DHRSX: variants seen among roughly 807,000 people sequenced by gnomAD.
The protein encoded by DHRSX is dehydrogenase/reductase X-linked.
A neutral mutation model predicts 34.0 loss-of-function variants in DHRSX; 31 were observed. That is an observed-to-expected ratio of 0.91 (90% CI 0.69 to 1.23). The LOEUF is 1.23. Among genes scored for constraint, DHRSX ranks in the 50% most tolerant of loss-of-function variants. The pLI, the probability that DHRSX is intolerant of heterozygous loss-of-function variation, is 0.00. For missense variants in DHRSX, 414 were observed against 428.1 expected, an observed-to-expected ratio of 0.97 and a Z score of 0.29; for synonymous variants, 201 against 183.8, an observed-to-expected ratio of 1.09 and a Z score of -0.76.
intron 5 of DHRSX, among the ~76,000 whole-genome samples, chrX:2,251,746 C>G (rs149972297): frequency 1.3e-5 from 2 of 152,140 alleles, no homozygotes; most frequent in East Asian, 3.9e-4. Context: ...TCAAACAGAC[C>G]TGAGGTTTAC....
intron 1 of DHRSX, among the ~76,000 whole-genome samples, chrX:2,426,721 A>C (rs1388289532): frequency 1.7e-3 from 146 of 86,498 alleles, no homozygotes; most frequent in Admixed American, 2.9e-3. Flanking sequence ...TTTCCTCTTC[A>C]CTTCTTTCTC....
intron 1 of DHRSX, chrX:2,488,347 G>C: frequency 2.6e-6 from 1 of 386,348 alleles, no homozygotes; most frequent in East Asian, 4.4e-5. Context: ...GCTAATTTTT[G>C]TATTTTTAGT....
chrX:2,485,883 GAGA>G lies in DHRSX; in HGVS notation c.109+14931_109+14933del, dbSNP rs759108073. ...GAAGGGAAGGGAGGGAAGGAAGGGA[GAGA>G]AGAAGAGACAAGGATGGGAGGGAAG... On this transcript the variant is annotated intron_variant, in intron 1 of 6. Coordinates refer to ENST00000334651, the MANE Select transcript of DHRSX (RefSeq NM_145177.3). Among the ~76,000 whole-genome samples, 8 of 149,086 alleles carry G rather than the reference GAGA, an allele frequency of 5.4e-5. 1 individual carries two copies. In the East Asian group the frequency reaches 7.9e-4, roughly 15 times the overall value.
In DHRSX at chrX:2,263,503, T is replaced by A. The variant is rs1156445351; in HGVS notation, c.596+3237A>T. Among the ~76,000 whole-genome samples the A allele has an allele frequency of 4.8e-5, 7 of 147,092 alleles. No homozygotes were observed. In the East Asian group the frequency reaches 1.4e-3, roughly 29 times the overall value. On this transcript the variant is annotated intron_variant, in intron 5 of 6. Transcript: ENST00000334651. Reference sequence around the variant, plus strand: ...TTTATAAGCCACCCAAACTATGGAATTTTTCTTTCTTTTTTTTTTTTTTTT... The same window carrying A: ...TTTATAAGCCACCCAAACTATGGAAATTTTCTTTCTTTTTTTTTTTTTTTT...
chrX:2,259,405 TAG>T lies in DHRSX; in HGVS notation c.596+7333_596+7334del, dbSNP rs1158151946. 4.9e-5 allele frequency among the ~76,000 whole-genome samples: 7 copies of T among 141,896 alleles called. No individual in the cohort carries two copies. The South Asian group carries it at 6.5e-4, about 13-fold the overall frequency. 93.1% of individuals were successfully genotyped at this position (141,896 alleles called of 152,430 possible). On this transcript the variant is annotated intron_variant, in intron 5 of 6. Transcript: ENST00000334651. The stretch of plus-strand genomic sequence containing the variant: ...ATATATAGATATATAGATATATATA[TAG>T]ATATAGATATATACAATAAATTAAA...
intron 5 of DHRSX, among the ~76,000 whole-genome samples, chrX:2,255,984 T>C (rs2041271854): frequency 6.6e-6 from 1 of 150,776 alleles, no homozygotes; most frequent in African/African-American, 2.4e-5. Flanking sequence ...TCTTAAAGAA[T>C]AGAAAATGAT....
At chrX:2,264,147 T>A (rs1453595529) in intron 5 of DHRSX, among the ~76,000 whole-genome samples, 1 of 152,208 alleles carries the variant, frequency 6.6e-6, no homozygotes, top group African/African-American at 2.4e-5. Context: ...GATGTACATA[T>A]CCCACAACAC....
At chrX:2,383,333 A>G (rs2043235215) in intron 3 of DHRSX, among the ~76,000 whole-genome samples, 1 of 151,256 alleles carries the variant, frequency 6.6e-6, no homozygotes, top group Non-Finnish European at 1.5e-5. Context: ...CATCACCATC[A>G]TCATTATCAC....
chrX:2,437,525 G>A (rs2044006651), intron 1 of DHRSX, among the ~76,000 whole-genome samples: 1 of 151,848 alleles, frequency 6.6e-6, no homozygotes, highest in East Asian at 1.9e-4. Context: ...GATTGCTTGA[G>A]CCTGGGAGAG....
At chrX:2,284,365 C>CAA (rs202087779) in intron 4 of DHRSX, among the ~76,000 whole-genome samples, 90,318 of 151,790 alleles carry the variant, frequency 0.6, 28,301 homozygotes, top group Middle Eastern at 0.75. Flanking sequence ...TTCATTCATT[C>CAA]ATTCACTCAT....
rs2042387143 is a variant in DHRSX at position 2,326,424 on chromosome X, G to A, written c.287-34821C>T. Among the ~76,000 whole-genome samples the A allele has an allele frequency of 2.0e-5, 3 of 152,280 alleles. No homozygotes were observed. In the South Asian group the frequency reaches 6.2e-4, roughly 32 times the overall value. ...TGTAATCCCAGCTACTCGGGAGGCT[G>A]AGGCAGGAGAATTGCTTGACCCTGG... On this transcript the variant is annotated intron_variant, in intron 3 of 6. Coordinates refer to ENST00000334651, the MANE Select transcript of DHRSX (RefSeq NM_145177.3).
At chrX:2,378,326 A>C (rs1306099684) in intron 3 of DHRSX, among the ~76,000 whole-genome samples, 1 of 152,178 alleles carries the variant, frequency 6.6e-6, no homozygotes, top group Non-Finnish European at 1.5e-5. Flanking sequence ...GCTCCAGGAA[A>C]CTAAAATATT....
intron 3 of DHRSX, among the ~76,000 whole-genome samples, chrX:2,292,695 G>T (rs2041880744): frequency 6.6e-6 from 1 of 152,074 alleles, no homozygotes; most frequent in Non-Finnish European, 1.5e-5. Flanking sequence ...TTGTTACAGG[G>T]CATATGTAAC....
chrX:2,307,454 A>C (rs1199249415), intron 3 of DHRSX, among the ~76,000 whole-genome samples: 1 of 152,008 alleles, frequency 6.6e-6, no homozygotes, highest in Non-Finnish European at 1.5e-5. Context: ...TACCTCATGA[A>C]ATTTTTTTTA....
At chrX:2,349,451 G>C (rs757221707) in intron 3 of DHRSX, among the ~76,000 whole-genome samples, 1 of 152,318 alleles carries the variant, frequency 6.6e-6, no homozygotes, top group South Asian at 2.1e-4. Flanking sequence ...GGAGACTGAG[G>C]CGGGTGGATC....
rs780611688 is a variant in DHRSX, at chrX:2,273,297, C to T, written c.389-6350G>A. 1.4e-4 allele frequency among the ~76,000 whole-genome samples: 22 copies of T among 152,230 alleles called. No homozygotes were observed. In the South Asian group the frequency reaches 4.1e-3, roughly 29 times the overall value. On this transcript the variant is annotated intron_variant, in intron 4 of 6. Coordinates refer to ENST00000334651, the MANE Select transcript of DHRSX (RefSeq NM_145177.3). ...AGCACAACTCACAATTGCAAACATACGGAATCAACCTAAGTACCCCTCCGT... is the reference window on the plus strand; with the variant it reads ...AGCACAACTCACAATTGCAAACATATGGAATCAACCTAAGTACCCCTCCGT...
At chrX:2,384,385 C>T (rs888631405) in intron 3 of DHRSX, among the ~76,000 whole-genome samples, 19 of 152,042 alleles carry the variant, frequency 1.2e-4, no homozygotes, top group African/African-American at 3.6e-4. Context: ...TTGGAGAACA[C>T]GGACGTGGTT....
chrX:2,310,116 C>A (rs1304093802), intron 3 of DHRSX, among the ~76,000 whole-genome samples: 1 of 152,058 alleles, frequency 6.6e-6, no homozygotes, highest in East Asian at 1.9e-4. Context: ...CCTCCGGGAT[C>A]CAGGCAGCCA....
At chrX:2,361,941 T>G (rs1341615660) in intron 3 of DHRSX, among the ~76,000 whole-genome samples, 1 of 152,208 alleles carries the variant, frequency 6.6e-6, no homozygotes, top group Non-Finnish European at 1.5e-5. Flanking sequence ...ATTCAGTGTT[T>G]CTAATTCTTT....
Sources: allele counts gnomAD v4.1 joint callset (sites outside exome capture counted in the v4.1 genomes callset), GRCh38; gene constraint gnomAD v4.1.1; transcripts MANE v1.5; gene names NCBI Gene and HGNC (gene_info 2026-07-23, HGNC 2026-07-21).